SGMS1: variants seen among roughly 807,000 people sequenced by gnomAD.
SGMS1 encodes sphingomyelin synthase 1.
Under a neutral mutation model 46.2 loss-of-function variants are expected in SGMS1, and 13 were observed. The ratio of observed to expected loss-of-function variants is 0.28; its 90% confidence interval spans 0.18 to 0.45. The LOEUF is 0.45. SGMS1 is among the 20% of genes least tolerant of loss of function. The pLI is 1.00. For missense variants in SGMS1, 324 were observed against 519.9 expected, an observed-to-expected ratio of 0.62 and a Z score of 3.66; for synonymous variants, 203 against 187.8, an observed-to-expected ratio of 1.08 and a Z score of -0.66.
At chr10:50,557,771 C>G (rs1838200853) in intron 2 of SGMS1, among the ~76,000 whole-genome samples, 1 of 151,712 alleles carries the variant, frequency 6.6e-6, no homozygotes, top group Admixed American at 6.6e-5. Flanking sequence ...TTATAACAAG[C>G]AATCAGCATA....
intron 6 of SGMS1, among the ~76,000 whole-genome samples, chr10:50,392,738 G>C (rs543041583): frequency 6.6e-6 from 1 of 152,278 alleles, no homozygotes; most frequent in Non-Finnish European, 1.5e-5. Flanking sequence ...GAGTGAAATG[G>C]TATGATGTCT....
upstream of SGMS1, chr10:50,624,871 C>T: frequency 1.0e-6 from 1 of 998,492 alleles, no homozygotes; most frequent in Non-Finnish European, 1.2e-6. Context: ...CCCGCGGGGT[C>T]GGGGACTTGG....
chr10:50,385,450 G>A (rs1448023371), intron 6 of SGMS1, among the ~76,000 whole-genome samples: 1 of 152,092 alleles, frequency 6.6e-6, no homozygotes, highest in East Asian at 1.9e-4. Flanking sequence ...CTTTCCTTCA[G>A]TGTACCACAA....
chr10:50,599,720 G>A (rs1055165265), intron 1 of SGMS1, among the ~76,000 whole-genome samples: 6 of 152,010 alleles, frequency 3.9e-5, no homozygotes, highest in Admixed American at 2.0e-4. Flanking sequence ...AAAATTAGCT[G>A]GGCATGGTGG....
chr10:50,392,394 A>G (rs1327855439), intron 6 of SGMS1, among the ~76,000 whole-genome samples: 7 of 152,234 alleles, frequency 4.6e-5, no homozygotes, highest in Non-Finnish European at 1.0e-4. Context: ...AAACATCATC[A>G]TGACTTAGAT....
intron 5 of SGMS1, among the ~76,000 whole-genome samples, chr10:50,458,302 T>C (rs2133679470): frequency 1.3e-5 from 2 of 149,838 alleles, no homozygotes; most frequent in Admixed American, 1.3e-4. Context: ...GAAAAATAGA[T>C]CTAAGTTCAA....
chr10:50,623,721 C>A lies in SGMS1; in HGVS notation c.-698G>T, dbSNP rs1472733207. ...CCACGACTCACTTGCACTGGAGTCA[C>A]GGCAGCCGCCGGAATTCCGCTCGCG... is the stretch of plus-strand genomic sequence containing the variant. On this transcript the variant is annotated 5_prime_UTR_variant, in exon 1 of 11. Transcript: ENST00000361781. The A allele has an allele frequency of 8.1e-6, 8 of 985,306 alleles. No homozygotes were observed. Among genetic ancestry groups the A allele is most frequent in the Non-Finnish European group, 9.6e-6 (8 of 829,946 alleles). 61.0% of individuals were successfully genotyped at this position (985,306 alleles called of 1,614,324 possible).
At chr10:50,318,039 G>A (rs1332810383) in intron 8 of SGMS1, among the ~76,000 whole-genome samples, 1 of 151,970 alleles carries the variant, frequency 6.6e-6, no homozygotes, top group Non-Finnish European at 1.5e-5. Flanking sequence ...CCTGAGCTCA[G>A]GCAATGTCCA....
At chr10:50,393,406 C>T (rs751253011) in intron 6 of SGMS1, among the ~76,000 whole-genome samples, 37 of 152,022 alleles carry the variant, frequency 2.4e-4, no homozygotes, top group Non-Finnish European at 4.9e-4. Context: ...CACATTAGAC[C>T]GATGATAAAA....
chr10:50,453,596 A>T (rs990016905), intron 5 of SGMS1, among the ~76,000 whole-genome samples: 2 of 151,396 alleles, frequency 1.3e-5, no homozygotes, highest in African/African-American at 4.8e-5. Context: ...GGATGTGGAA[A>T]ATGAGTGAAA....
intron 6 of SGMS1, among the ~76,000 whole-genome samples, chr10:50,400,652 T>C (rs1261332421): frequency 6.6e-6 from 1 of 151,958 alleles, no homozygotes; most frequent in Non-Finnish European, 1.5e-5. Flanking sequence ...AAGGTCTTGC[T>C]ATGTTGCCCA....
intron 8 of SGMS1, among the ~76,000 whole-genome samples, chr10:50,313,633 C>CA (rs1176578491): frequency 1.3e-5 from 2 of 152,028 alleles, no homozygotes; most frequent in Non-Finnish European, 2.9e-5. Flanking sequence ...AAAATTATGG[C>CA]AAAAAAGCTT....
chr10:50,610,289 C>A (rs779527350), intron 1 of SGMS1, among the ~76,000 whole-genome samples: 9 of 152,218 alleles, frequency 5.9e-5, no homozygotes, highest in Non-Finnish European at 1.0e-4. Context: ...TATGAAGGAA[C>A]TTTCCATGGC....
intron 6 of SGMS1, among the ~76,000 whole-genome samples, chr10:50,402,237 G>A (rs1848951509): frequency 1.3e-5 from 2 of 152,260 alleles, no homozygotes; most frequent in East Asian, 3.9e-4. Context: ...AATGTTCTGA[G>A]GTTCAATTAT....
Position 50,623,802 on chromosome 10 carries a change from C to T in SGMS1, c.-779G>A, listed in dbSNP as rs545768538. On this transcript the variant is annotated 5_prime_UTR_variant, in exon 1 of 11. Transcript: ENST00000361781. ...AGGGCAGCGTCGGGGCTCCGCACCC[C>T]AATCGCGCTCTCCGACCGGCTCCCT... 2.0e-6 allele frequency: 2 copies of T among 985,436 alleles called. No homozygotes were observed. Among genetic ancestry groups the T allele is most frequent in the East Asian group, 2.3e-4 (2 of 8,792 alleles). The allele number at this position is 985,436 out of a possible 1,614,324, so 61.0% of individuals were successfully genotyped here.
intron 5 of SGMS1, among the ~76,000 whole-genome samples, chr10:50,441,591 G>A (rs934970737): frequency 2.6e-5 from 4 of 152,198 alleles, no homozygotes; most frequent in Non-Finnish European, 4.4e-5. Context: ...TGTCTGCAGA[G>A]GAGATCATGA....
intron 6 of SGMS1, among the ~76,000 whole-genome samples, chr10:50,400,165 C>T (rs1848912032): frequency 1.3e-5 from 2 of 151,626 alleles, no homozygotes; most frequent in Admixed American, 6.6e-5. Flanking sequence ...ACTGTCTATA[C>T]TTTCTAATGG....
intron 2 of SGMS1, among the ~76,000 whole-genome samples, chr10:50,566,212 T>A (rs1456381973): frequency 6.6e-6 from 1 of 151,960 alleles, no homozygotes; most frequent in African/African-American, 2.4e-5. Context: ...GCCAGAGAAG[T>A]GGTAACTTAG....
At chr10:50,479,089 G>C (rs1254765861) in intron 3 of SGMS1, among the ~76,000 whole-genome samples, 1 of 151,330 alleles carries the variant, frequency 6.6e-6, no homozygotes, top group Admixed American at 6.6e-5. Context: ...AATTTCTCCA[G>C]CCTTAAATAT....
Sources: allele counts gnomAD v4.1 joint callset (sites outside exome capture counted in the v4.1 genomes callset), GRCh38; gene constraint gnomAD v4.1.1; transcripts MANE v1.5; gene names NCBI Gene and HGNC (gene_info 2026-07-23, HGNC 2026-07-21).